Variants in DNAH17 observed in about 807,000 individuals in gnomAD.
DNAH17 encodes dynein axonemal heavy chain 17, also known as axonemal beta dynein heavy chain 17.
In DNAH17, 376 loss-of-function variants were observed where a neutral mutation model predicts 485.6. The observed-to-expected ratio is 0.77, with a 90% confidence interval of 0.71 to 0.84. The LOEUF (loss-of-function observed/expected upper bound fraction) is 0.84, where lower values mean the gene tolerates loss of function less well. Among genes scored for constraint, DNAH17 ranks in the 40% least tolerant of loss-of-function variants. The probability of loss-of-function intolerance (pLI) is 0.00; values close to 1 mark genes in which losing one functional copy is unlikely to be tolerated. For synonymous variants in DNAH17, 3,031 were observed against 2,405.9 expected (o/e 1.26, Z -7.60); for missense variants, 6,370 against 5,839.3 (o/e 1.09, Z -2.96).
rs766192860 is a variant in DNAH17 at position 78,490,884 on chromosome 17, G to A, written c.6670-37C>T. On this transcript the variant is annotated intron_variant, in intron 43 of 80. Transcript: ENST00000389840. ...ACAGCAGCCCGTGGGGTCCTAAGGC[G>A]ACACCTGCCATCCCAATGGTGTTCT... The A allele has an allele frequency of 4.7e-5, 73 of 1,548,904 alleles. No individual in the cohort carries two copies. In the East Asian group the frequency reaches 5.6e-4, roughly 12 times the overall value.
chr17:78,522,342 T>C (rs541023837), intron 25 of DNAH17: 85 of 291,328 alleles, frequency 2.9e-4, no homozygotes, highest in Non-Finnish European at 3.9e-4. Context: ...CAATAGTTTC[T>C]ACTCCTGAGC....
intron 2 of DNAH17, among the ~76,000 whole-genome samples, chr17:78,573,779 C>T (rs897814197): frequency 2.0e-5 from 3 of 151,508 alleles, no homozygotes; most frequent in Non-Finnish European, 4.4e-5. Context: ...CCAACCCCGC[C>T]GACACCTTCA....
chr17:78,458,908 G>A, intron 61 of DNAH17, 93 bp downstream of exon 61: 1 of 1,372,840 alleles, frequency 7.3e-7, no homozygotes, highest in South Asian at 1.2e-5. Context: ...ATGACGGCGG[G>A]CCGTGCCAAC....
intron 17 of DNAH17, among the ~76,000 whole-genome samples, chr17:78,542,007 A>G (rs1012179263): frequency 4.6e-5 from 7 of 152,066 alleles, no homozygotes; most frequent in Non-Finnish European, 1.0e-4. Context: ...ATGTGACAAT[A>G]GGAACAGCCA....
Position 78,425,784 on chromosome 17 carries a change from G to A in DNAH17, c.12916-213C>T, listed in dbSNP as rs974051572. Among the ~76,000 whole-genome samples, 102 of 73,224 alleles carry A rather than the reference G, an allele frequency of 1.4e-3. 2 individuals carry two copies. The highest frequency in any genetic ancestry group is 8.1e-3 in the African/African-American group (97 of 11,922). The allele number at this position is 73,224 out of a possible 152,430, so 48.0% of individuals were successfully genotyped here. ...TTTTTTTTTTTTTTTTTTTTTTTTT[G>A]AGATGAAGTATCGCTCTGTCACCCA... On this transcript the variant is annotated intron_variant, in intron 79 of 80. Coordinates refer to ENST00000389840, the MANE Select transcript of DNAH17 (RefSeq NM_173628.4).
chr17:78,510,247 G>A (rs1317558996), intron 27 of DNAH17, 137 bp downstream of exon 27: 21 of 1,213,720 alleles, frequency 1.7e-5, no homozygotes, highest in Admixed American at 2.2e-5. Flanking sequence ...TTTGTCACAG[G>A]TTGGGTAAGA....
intron 31 of DNAH17, among the ~76,000 whole-genome samples, chr17:78,503,993 A>G (rs2090397513): frequency 1.1e-5 from 1 of 94,000 alleles, no homozygotes; most frequent in South Asian, 3.3e-4. Flanking sequence ...ACAAAAAACA[A>G]ATGAACAAAA....
chr17:78,555,185 A>G (rs1042844809), intron 14 of DNAH17, among the ~76,000 whole-genome samples: 6 of 152,236 alleles, frequency 3.9e-5, no homozygotes, highest in African/African-American at 1.4e-4. Flanking sequence ...GAAGTAAAGG[A>G]TGCATCTACA....
intron 14 of DNAH17, among the ~76,000 whole-genome samples, chr17:78,554,402 A>T (rs1283746502): frequency 2.4e-5 from 3 of 125,946 alleles, no homozygotes; most frequent in Non-Finnish European, 4.8e-5. Flanking sequence ...GCACCACTGC[A>T]CTCCAGCCTG....
rs879131777 is a variant in DNAH17 at position 78,494,580 on chromosome 17, C to A, written c.6270+13G>T. 1.9e-6 allele frequency: 3 copies of A among 1,612,836 alleles called. No homozygotes were observed. The highest frequency in any genetic ancestry group is 2.7e-5 in the African/African-American group (2 of 74,926). Reference sequence around the variant, plus strand: ...GGCTTCTCCGGACAGACCTGAGACCCAGGAGTCCCGACCTTTTCAAAATTC... The same window carrying A: ...GGCTTCTCCGGACAGACCTGAGACCAAGGAGTCCCGACCTTTTCAAAATTC... On this transcript the variant is annotated intron_variant, in intron 40 of 80. Coordinates refer to ENST00000389840, the MANE Select transcript of DNAH17 (RefSeq NM_173628.4).
chr17:78,540,189 G>C (rs1359096373), intron 17 of DNAH17, among the ~76,000 whole-genome samples: 1 of 141,196 alleles, frequency 7.1e-6, no homozygotes, highest in African/African-American at 2.7e-5. Context: ...CCATGGCTCA[G>C]AGGGCCACTC....
At chr17:78,560,978 T>A in intron 12 of DNAH17, 43 bp from the exon 13 acceptor site, 2 of 1,491,972 alleles carry the variant, frequency 1.3e-6, no homozygotes, top group Non-Finnish European at 1.8e-6. Flanking sequence ...GGATATCTCC[T>A]GTGGGGTGTC....
At chr17:78,490,911 G>C (rs2089823935) in intron 43 of DNAH17, 64 bp from the exon 44 acceptor site, 3 of 1,495,142 alleles carry the variant, frequency 2.0e-6, no homozygotes, top group South Asian at 2.6e-5. Context: ...TGGTGTTCTG[G>C]GGTGGGGGTT....
At chr17:78,547,158 A>T (rs1397454494) in intron 16 of DNAH17, among the ~76,000 whole-genome samples, 2 of 152,150 alleles carry the variant, frequency 1.3e-5, no homozygotes, top group African/African-American at 4.8e-5. Flanking sequence ...TTCCAAGCTC[A>T]TTGCTAGTCT....
chr17:78,458,536 G>C, intron 62 of DNAH17, 29 bp downstream of exon 62: 1 of 1,579,766 alleles, frequency 6.3e-7, no homozygotes, highest in Non-Finnish European at 8.7e-7. Flanking sequence ...TCTGAGAGCA[G>C]GAGGGTGGTC....
intron 25 of DNAH17, among the ~76,000 whole-genome samples, chr17:78,520,228 A>C (rs2143186122): frequency 6.6e-6 from 1 of 152,376 alleles, no homozygotes; most frequent in South Asian, 2.1e-4. Context: ...GAATAAAAAG[A>C]AAAGGAATAG....
At position 78,499,065 on chromosome 17, in the gene DNAH17, G is replaced by A; in HGVS notation, c.5688C>T (p.Gly1896=). The A allele has an allele frequency of 6.2e-7, 1 of 1,609,700 alleles. No individual in the cohort carries two copies. Among genetic ancestry groups the A allele is most frequent in the African/African-American group, 1.3e-5 (1 of 74,826 alleles). The change falls in exon 37 of 81, where the codon GGC becomes GGT. Residue 1896 remains glycine (G), a synonymous_variant. Transcript: ENST00000389840. ...YKGLAQTGAW[G]CFDEFNRISV... is the part of the protein sequence containing the mutation. ...AGATGCGATTAAACTCGTCAAAGCAGCCCCAGGCTCCCGTCTGGGCCAGGC... is the reference window on the plus strand; with the variant it reads ...AGATGCGATTAAACTCGTCAAAGCAACCCCAGGCTCCCGTCTGGGCCAGGC...
intron 1 of DNAH17, among the ~76,000 whole-genome samples, chr17:78,576,715 G>T (rs1480175172): frequency 6.6e-6 from 1 of 152,194 alleles, no homozygotes; most frequent in African/African-American, 2.4e-5. Flanking sequence ...AACATCCTCT[G>T]GTTTACTGAT....
Position 78,428,530 on chromosome 17 carries a change from C to CCTCGCGGGACA in DNAH17, c.12572_12582dup (p.Glu4195CysfsTer7). 1 of 1,603,280 alleles carries CCTCGCGGGACA rather than the reference C, an allele frequency of 6.2e-7. No individual in the cohort carries two copies. The highest frequency in any genetic ancestry group is 8.5e-7 in the Non-Finnish European group (1 of 1,175,154). On this transcript the variant is annotated frameshift_variant, in exon 77 of 81. Transcript: ENST00000389840. LOFTEE classifies it high-confidence loss of function. ...AGCAGTTTCAAAGATCCTGCCTTCT[C>CCTCGCGGGACA]CTCGCGGGACACTCCCGTGCCTGCC...
Sources: allele counts gnomAD v4.1 joint callset (sites outside exome capture counted in the v4.1 genomes callset), GRCh38; gene constraint gnomAD v4.1.1; transcripts MANE v1.5; gene names NCBI Gene and HGNC (gene_info 2026-07-23, HGNC 2026-07-21).